The following TENM2 variants were observed in gnomAD, a reference collection of about 807,000 sequenced individuals.
TENM2 encodes the protein teneurin transmembrane protein 2.
Under a neutral mutation model 245.2 loss-of-function variants are expected in TENM2, and 52 were observed. That is an observed-to-expected ratio of 0.21 (90% CI 0.17 to 0.27). TENM2 has a LOEUF of 0.27. TENM2 is among the 10% of genes least tolerant of loss of function. The pLI, the probability that TENM2 is intolerant of heterozygous loss-of-function variation, is 1.00. For missense variants in TENM2, 3,046 were observed against 3,666.8 expected, an observed-to-expected ratio of 0.83 and a Z score of 4.37; for synonymous variants, 1,363 against 1,438.9, an observed-to-expected ratio of 0.95 and a Z score of 1.19.
chr5:167,333,693 C>T (rs1699158849), intron 1 of TENM2, among the ~76,000 whole-genome samples: 1 of 152,032 alleles, frequency 6.6e-6, no homozygotes, highest in Non-Finnish European at 1.5e-5. Context: ...TGTTCTTGTC[C>T]CTTTGCTCCA....
chr5:167,112,907 T>C, the TENM2 span, among the ~76,000 whole-genome samples: 1 of 152,194 alleles, frequency 6.6e-6, no homozygotes, highest in Non-Finnish European at 1.5e-5. Context: ...ATGGCCTCTT[T>C]CCAAGTGCAT....
At chr5:168,262,918 T>G (rs1448953943) in exon 29 of TENM2, 11 of 1,069,484 alleles carry the variant, frequency 1.0e-5, no homozygotes, top group Non-Finnish European at 1.5e-5. Flanking sequence ...CTGGGCTGCT[T>G]TAGGAGACCA....
chr5:167,512,065 T>A (rs925356382), intron 2 of TENM2, among the ~76,000 whole-genome samples: 4 of 152,150 alleles, frequency 2.6e-5, no homozygotes, highest in Non-Finnish European at 5.9e-5. Flanking sequence ...ATAGGGAATG[T>A]CAGAATTGGA....
At chr5:167,229,221 G>A in the TENM2 span, among the ~76,000 whole-genome samples, 1 of 152,218 alleles carries the variant, frequency 6.6e-6, no homozygotes, top group Non-Finnish European at 1.5e-5. Context: ...AAGTTTTGCT[G>A]ATGCTGGAAT....
the TENM2 span, among the ~76,000 whole-genome samples, chr5:167,250,532 G>A: frequency 6.6e-6 from 1 of 151,952 alleles, no homozygotes; most frequent in Admixed American, 6.6e-5. Flanking sequence ...TGTTATATTT[G>A]TATTGCACAC....
At chr5:167,212,926 C>A in the TENM2 span, among the ~76,000 whole-genome samples, 12 of 152,088 alleles carry the variant, frequency 7.9e-5, no homozygotes, top group Non-Finnish European at 1.8e-4. Context: ...TAGTATGTGA[C>A]ATTTTATATG....
chr5:167,313,380 C>T (rs970194941), intron 1 of TENM2, among the ~76,000 whole-genome samples: 2 of 152,132 alleles, frequency 1.3e-5, no homozygotes, highest in Admixed American at 1.3e-4. Flanking sequence ...GTGGCTCACG[C>T]CTTATAATCC....
At chr5:167,436,950 G>A (rs1764595950) in intron 2 of TENM2, among the ~76,000 whole-genome samples, 2 of 152,176 alleles carry the variant, frequency 1.3e-5, no homozygotes, top group Non-Finnish European at 2.9e-5. Flanking sequence ...CTGCAGGGGC[G>A]AGCCCTCACG....
At chr5:167,160,000 C>T in the TENM2 span, among the ~76,000 whole-genome samples, 1 of 152,190 alleles carries the variant, frequency 6.6e-6, no homozygotes, top group East Asian at 1.9e-4. Context: ...TCAATCCAGA[C>T]ATATGGAAGT....
At chr5:166,983,979 C>T in the TENM2 span, among the ~76,000 whole-genome samples, 2 of 152,060 alleles carry the variant, frequency 1.3e-5, no homozygotes, top group Non-Finnish European at 2.9e-5. Flanking sequence ...TGATGCAGAT[C>T]TATAAAAGTA....
At chr5:168,052,836 A>T (rs1222913405) in intron 6 of TENM2, among the ~76,000 whole-genome samples, 2 of 152,146 alleles carry the variant, frequency 1.3e-5, no homozygotes, top group East Asian at 3.8e-4. Context: ...AAAAATTAGA[A>T]TTTCCAGATG....
chr5:167,319,707 G>A (rs1416612337), intron 1 of TENM2, among the ~76,000 whole-genome samples: 1 of 152,178 alleles, frequency 6.6e-6, no homozygotes, highest in Non-Finnish European at 1.5e-5. Context: ...TTTCTGCTAT[G>A]CCATGTGGCT....
intron 2 of TENM2, among the ~76,000 whole-genome samples, chr5:167,811,986 T>C (rs1281169021): frequency 6.6e-6 from 1 of 152,166 alleles, no homozygotes; most frequent in Non-Finnish European, 1.5e-5. Context: ...GGACGTCATT[T>C]CAGCTGGGGA....
chr5:167,065,734 A>T, the TENM2 span, among the ~76,000 whole-genome samples: 2 of 152,210 alleles, frequency 1.3e-5, no homozygotes, highest in Non-Finnish European at 2.9e-5. Context: ...ATTCCCATAA[A>T]GCCCATTTAA....
intron 9 of TENM2, among the ~76,000 whole-genome samples, chr5:168,100,723 G>A (rs1793741317): frequency 1.3e-5 from 2 of 152,064 alleles, no homozygotes; most frequent in South Asian, 2.1e-4. Context: ...ATCACACAGT[G>A]AGGCCTGTCA....
intron 25 of TENM2, among the ~76,000 whole-genome samples, chr5:168,239,119 G>T (rs189897311): frequency 6.6e-4 from 101 of 152,188 alleles, no homozygotes; most frequent in East Asian, 6.6e-3. Context: ...AAACTGGGGG[G>T]GCAGGTATCC....
intron 2 of TENM2, among the ~76,000 whole-genome samples, chr5:167,557,478 G>A (rs1478403733): frequency 6.6e-6 from 1 of 152,118 alleles, no homozygotes; most frequent in Non-Finnish European, 1.5e-5. Flanking sequence ...CATAAAATGG[G>A]AATAATAACA....
intron 2 of TENM2, among the ~76,000 whole-genome samples, chr5:167,863,704 G>A (rs1272784947): frequency 3.9e-5 from 6 of 152,052 alleles, no homozygotes; most frequent in Non-Finnish European, 8.8e-5. Context: ...CAATAAGATG[G>A]ATGGCATGTG....
At chr5:167,795,145 G>C (rs567820765) in intron 2 of TENM2, among the ~76,000 whole-genome samples, 3 of 152,300 alleles carry the variant, frequency 2.0e-5, no homozygotes, top group African/African-American at 7.2e-5. Context: ...TGTCAGATGA[G>C]AGAGTGACCT....
Sources: allele counts gnomAD v4.1 joint callset (sites outside exome capture counted in the v4.1 genomes callset), GRCh38; gene constraint gnomAD v4.1.1; transcripts MANE v1.5; gene names NCBI Gene and HGNC (gene_info 2026-07-23, HGNC 2026-07-21).